Variants in NWD2 observed in about 807,000 individuals in gnomAD.
NWD2 encodes NACHT and WD repeat domain-containing protein 2.
In NWD2, 37 loss-of-function variants were observed where a neutral mutation model predicts 132.7. The observed-to-expected ratio is 0.28, with a 90% CI of 0.21 to 0.37. The LOEUF (loss-of-function observed/expected upper bound fraction) is 0.37. Among genes scored for constraint, NWD2 ranks in the 10% least tolerant of loss-of-function variants. The probability of loss-of-function intolerance (pLI) is 1.00; values close to 1 mark genes in which losing one functional copy is unlikely to be tolerated. For missense variants in NWD2, 1,592 were observed against 2,122.4 expected (o/e 0.75, Z 4.91); for synonymous variants, 705 against 803.0 (o/e 0.88, Z 2.06).
chr4:37,403,533 G>T (rs1373661344), intron 3 of NWD2, among the ~76,000 whole-genome samples: 1 of 152,166 alleles, frequency 6.6e-6, no homozygotes, highest in Non-Finnish European at 1.5e-5. Context: ...GACGATTTCT[G>T]AGGAGTGGGT....
At chr4:37,355,295 A>T (rs1719850088) in intron 2 of NWD2, among the ~76,000 whole-genome samples, 2 of 152,154 alleles carry the variant, frequency 1.3e-5, no homozygotes, top group Non-Finnish European at 2.9e-5. Context: ...ATATGACAAA[A>T]CCCATGGTAT....
intron 1 of NWD2, among the ~76,000 whole-genome samples, chr4:37,325,223 TTTC>T (rs993148654): frequency 6.6e-6 from 1 of 152,174 alleles, no homozygotes; most frequent in African/African-American, 2.4e-5. Flanking sequence ...AGGTTCTGTG[TTTC>T]TTCTTGTATT....
At chr4:37,319,066 CA>C (rs1406433802) in intron 1 of NWD2, among the ~76,000 whole-genome samples, 3 of 152,208 alleles carry the variant, frequency 2.0e-5, no homozygotes, top group African/African-American at 7.2e-5. Flanking sequence ...CTGCTTTCCA[CA>C]GTGAATAAAC....
At chr4:37,372,498 T>C (rs1044136163) in intron 3 of NWD2, among the ~76,000 whole-genome samples, 2 of 152,240 alleles carry the variant, frequency 1.3e-5, no homozygotes, top group Non-Finnish European at 2.9e-5. Flanking sequence ...GCTTTTCAAT[T>C]TGTCTTCACT....
intron 3 of NWD2, among the ~76,000 whole-genome samples, chr4:37,373,820 G>C (rs1159642349): frequency 6.6e-6 from 1 of 152,176 alleles, no homozygotes; most frequent in African/African-American, 2.4e-5. Flanking sequence ...TTTGGATTTT[G>C]AAAACTTTTA....
intron 3 of NWD2, among the ~76,000 whole-genome samples, chr4:37,428,163 T>C (rs1046817966): frequency 2.0e-5 from 3 of 152,214 alleles, no homozygotes; most frequent in Non-Finnish European, 4.4e-5. Context: ...CAAGGACTTC[T>C]CTTAATCTTT....
At chr4:37,348,773 T>C (rs1719701040) in intron 2 of NWD2, among the ~76,000 whole-genome samples, 1 of 149,762 alleles carries the variant, frequency 6.7e-6, no homozygotes, top group African/African-American at 2.5e-5. Context: ...CATGGTGGTT[T>C]GCTGCACCCA....
At chr4:37,246,153 A>G (rs1319360284) in intron 1 of NWD2, among the ~76,000 whole-genome samples, 1 of 152,198 alleles carries the variant, frequency 6.6e-6, no homozygotes, top group Non-Finnish European at 1.5e-5. Flanking sequence ...GAGGTGAAAG[A>G]TTTGAGAATT....
chr4:37,409,234 C>T (rs528931433), intron 3 of NWD2, among the ~76,000 whole-genome samples: 1 of 152,030 alleles, frequency 6.6e-6, no homozygotes, highest in African/African-American at 2.4e-5. Flanking sequence ...CATGTTCTAA[C>T]CCATCACAAG....
At chr4:37,277,626 T>C (rs562587111) in intron 1 of NWD2, among the ~76,000 whole-genome samples, 12 of 152,256 alleles carry the variant, frequency 7.9e-5, no homozygotes, top group African/African-American at 2.9e-4. Flanking sequence ...TATTTATTGT[T>C]GACATACTTT....
chr4:37,309,646 A>G (rs1406600558), intron 1 of NWD2, among the ~76,000 whole-genome samples: 1 of 152,160 alleles, frequency 6.6e-6, no homozygotes, highest in East Asian at 1.9e-4. Context: ...CTAGTCTCAA[A>G]GCCTGTGAAT....
intron 3 of NWD2, among the ~76,000 whole-genome samples, chr4:37,389,873 C>T (rs376310131): frequency 6.6e-6 from 1 of 152,212 alleles, no homozygotes; most frequent in African/African-American, 2.4e-5. Context: ...CTCTACCTCC[C>T]GGGTTCAAGA....
At position 37,446,169 on chromosome 4, in the gene NWD2, G is replaced by A; in HGVS notation, c.4181G>A (p.Arg1394Gln). 1.9e-6 allele frequency: 3 copies of A among 1,551,580 alleles called. No individual in the cohort carries two copies. Among genetic ancestry groups the A allele is most frequent in the Non-Finnish European group, 2.6e-6 (3 of 1,146,990 alleles). The change falls in exon 7 of 7, where the codon CGA (arginine) becomes CAA (glutamine). Residue 1394 changes from arginine (R) to glutamine (Q), a missense_variant. By Grantham distance (43) the Arg-to-Gln change is conservative. Transcript: ENST00000309447. The surrounding 1 kb of genome is among the most constrained non-coding windows in gnomAD (Gnocchi z 6.7). ...WHTSSGENLF[R>Q]INGQRISQLL... ...ACCAGCAGTGGTGAAAACCTTTTTC[G>A]AATTAACGGGCAGAGAATATCTCAG...
At position 37,366,807 on chromosome 4, in the gene NWD2, T is replaced by C. The variant is rs181415943; in HGVS notation, c.357+10325T>C. Among the ~76,000 whole-genome samples the C allele has an allele frequency of 2.0e-5, 3 of 152,258 alleles. No homozygotes were observed. In the East Asian group the frequency reaches 5.8e-4, roughly 29 times the overall value. On this transcript the variant is annotated intron_variant, in intron 3 of 6. Coordinates refer to ENST00000309447, the MANE Select transcript of NWD2 (RefSeq NM_001144990.2). ...CAGAAAAATGTAATATTTCTATATTTCTATGCACCTAATAACATGGCTTCA... is the reference window on the plus strand; with the variant it reads ...CAGAAAAATGTAATATTTCTATATTCCTATGCACCTAATAACATGGCTTCA...
At chr4:37,334,232 C>A (rs1442802913) in intron 2 of NWD2, among the ~76,000 whole-genome samples, 1 of 152,174 alleles carries the variant, frequency 6.6e-6, no homozygotes, top group South Asian at 2.1e-4. Context: ...CCAAATAAGA[C>A]CACCTCAAGA....
At chr4:37,323,749 T>C (rs1719114886) in intron 1 of NWD2, among the ~76,000 whole-genome samples, 1 of 152,140 alleles carries the variant, frequency 6.6e-6, no homozygotes, top group Non-Finnish European at 1.5e-5. Flanking sequence ...GTATGCTCAT[T>C]GCTGCACTGT....
At chr4:37,319,182 T>G (rs1719020757) in intron 1 of NWD2, among the ~76,000 whole-genome samples, 1 of 152,198 alleles carries the variant, frequency 6.6e-6, no homozygotes, top group African/African-American at 2.4e-5. Flanking sequence ...GTGACTGGTA[T>G]GAGATGGCAT....
At chr4:37,423,338 T>C (rs527914088) in intron 3 of NWD2, among the ~76,000 whole-genome samples, 10 of 152,324 alleles carry the variant, frequency 6.6e-5, no homozygotes, top group African/African-American at 2.4e-4. Flanking sequence ...CATCTCCCCC[T>C]GTATTAGAGT....
In NWD2 at chr4:37,264,778, TA is replaced by T. The variant is rs202089455; in HGVS notation, c.151+19567del. Among the ~76,000 whole-genome samples the T allele has an allele frequency of 1.8e-3, 267 of 148,266 alleles. 1 individual carries two copies. Among genetic ancestry groups the T allele is most frequent in the African/African-American group, 6.4e-3 (255 of 39,954 alleles). The stretch of plus-strand genomic sequence containing the variant: ...AACATTTAATTTTCCATTTTAGTTG[TA>T]AAAAAACATTATATAAAGGATATGT... On this transcript the variant is annotated intron_variant, in intron 1 of 6. Transcript: ENST00000309447.
Sources: allele counts gnomAD v4.1 joint callset (sites outside exome capture counted in the v4.1 genomes callset), GRCh38; gene constraint gnomAD v4.1.1; non-coding constraint Gnocchi (gnomAD v3.1); transcripts MANE v1.5; gene names NCBI Gene and HGNC (gene_info 2026-07-23, HGNC 2026-07-21).